The following LRP1B variants were observed in gnomAD, a reference collection of about 807,000 sequenced individuals.
The protein encoded by LRP1B is low-density lipoprotein receptor-related protein 1B.
A neutral mutation model predicts 556.6 loss-of-function variants in LRP1B; 217 were observed. That is an observed-to-expected ratio of 0.39 (90% CI 0.35 to 0.44). The LOEUF (loss-of-function observed/expected upper bound fraction) is 0.44, where lower values mean the gene tolerates loss of function less well. LRP1B is among the 20% of genes least tolerant of loss of function. The probability of loss-of-function intolerance (pLI) is 1.00; values close to 1 mark genes in which losing one functional copy is unlikely to be tolerated. For synonymous variants in LRP1B, 2,047 were observed against 1,865.8 expected (o/e 1.10, Z -2.50); for missense variants, 5,053 against 5,620.8 (o/e 0.90, Z 3.23).
At chr2:141,774,586 A>G (rs1695000450) in intron 2 of LRP1B, among the ~76,000 whole-genome samples, 1 of 152,216 alleles carries the variant, frequency 6.6e-6, no homozygotes, top group Non-Finnish European at 1.5e-5. Context: ...CAAACAATAC[A>G]TAATAAATAT....
At chr2:141,298,596 C>T (rs1331854408) in intron 3 of LRP1B, among the ~76,000 whole-genome samples, 2 of 152,098 alleles carry the variant, frequency 1.3e-5, no homozygotes, top group Non-Finnish European at 2.9e-5. Context: ...ATTTGGAGCC[C>T]TCCCAGACAT....
chr2:140,356,149 CTG>C (rs2105128918), intron 75 of LRP1B, among the ~76,000 whole-genome samples, 191 bp downstream of exon 75: 1 of 143,266 alleles, frequency 7.0e-6, no homozygotes, highest in African/African-American at 2.5e-5. Flanking sequence ...TTTGTAGCCT[CTG>C]TCGTGGTTAG....
chr2:140,484,755 T>A (rs546444697), intron 59 of LRP1B, among the ~76,000 whole-genome samples: 1 of 152,180 alleles, frequency 6.6e-6, no homozygotes, highest in Non-Finnish European at 1.5e-5. Flanking sequence ...CATCCCTCAT[T>A]TGAAATCTCC....
chr2:140,636,616 A>G (rs1218845707), intron 41 of LRP1B, among the ~76,000 whole-genome samples: 1 of 152,196 alleles, frequency 6.6e-6, no homozygotes, highest in East Asian at 1.9e-4. Flanking sequence ...ACATATTTTA[A>G]AAGCATACCA....
At chr2:140,495,817 T>G in intron 55 of LRP1B, 69 bp from the exon 56 acceptor site, 1 of 1,311,440 alleles carries the variant, frequency 7.6e-7, no homozygotes. Context: ...GGATATCTCT[T>G]TAGCATTAAG....
At chr2:140,297,648 A>T (rs1261914107) in intron 84 of LRP1B, among the ~76,000 whole-genome samples, 160 bp downstream of exon 84, 1 of 152,018 alleles carries the variant, frequency 6.6e-6, no homozygotes, top group Non-Finnish European at 1.5e-5. Context: ...CTTTACAATA[A>T]GAGAAAGGTG....
intron 7 of LRP1B, among the ~76,000 whole-genome samples, chr2:141,178,457 G>T (rs1166738389): frequency 6.6e-6 from 1 of 152,082 alleles, no homozygotes; most frequent in Non-Finnish European, 1.5e-5. Flanking sequence ...AGATATCTTT[G>T]AGCCTTTTGG....
intron 29 of LRP1B, among the ~76,000 whole-genome samples, chr2:140,848,825 A>G (rs1458029169): frequency 6.6e-6 from 1 of 152,162 alleles, no homozygotes; most frequent in Non-Finnish European, 1.5e-5. Flanking sequence ...AAATATTAGG[A>G]TAATTCAATG....
chr2:140,795,065 A>T (rs1158451551), intron 32 of LRP1B, among the ~76,000 whole-genome samples: 1 of 152,214 alleles, frequency 6.6e-6, no homozygotes, highest in Non-Finnish European at 1.5e-5. Flanking sequence ...TAAGAGAAAA[A>T]ATGATTTTTT....
intron 3 of LRP1B, among the ~76,000 whole-genome samples, chr2:141,456,426 C>T (rs13431339): frequency 0.18 from 27,636 of 152,136 alleles, 3,326 homozygotes; most frequent in East Asian, 0.44. Flanking sequence ...CAAATATAAC[C>T]TTACAAACTG....
At chr2:141,318,413 A>G (rs910011419) in intron 3 of LRP1B, among the ~76,000 whole-genome samples, 2 of 152,202 alleles carry the variant, frequency 1.3e-5, no homozygotes, top group Non-Finnish European at 2.9e-5. Context: ...GTTTTCCTAA[A>G]GAAGTCAAAT....
At position 141,229,200 on chromosome 2, in the gene LRP1B, A is replaced by C. The variant is rs1182551291; in HGVS notation, c.833T>G (p.Ile278Ser). Residue 278 changes from isoleucine to serine, a missense_variant, in exon 6 of 91, where the codon ATT (isoleucine) becomes AGT (serine). This residue lies in a region of LRP1B where 3,619 missense variants were observed against 3,931.9 expected (regional missense o/e 0.92). Coordinates refer to ENST00000389484, the MANE Select transcript of LRP1B (RefSeq NM_018557.3). ...ACACTTACTGTGGAAGGATTGAAGA[A>C]TATTGATTGTCCATTCATCTGTTAA... ...GGLTDEWTIN[I>S]LQSFHNVQQM... The C allele has an allele frequency of 1.2e-6, 2 of 1,613,032 alleles. No individual in the cohort carries two copies. The highest frequency in any genetic ancestry group is 3.3e-5 in the Admixed American group (2 of 59,916).
chr2:141,777,639 T>C (rs1242098117), intron 2 of LRP1B, among the ~76,000 whole-genome samples: 1 of 152,084 alleles, frequency 6.6e-6, no homozygotes, highest in African/African-American at 2.4e-5. Flanking sequence ...AGTCTCAAAC[T>C]CCTGACCTCA....
chr2:140,794,478 A>AACACACACACAC (rs6146938), intron 32 of LRP1B, among the ~76,000 whole-genome samples: 260 of 150,028 alleles, frequency 1.7e-3, no homozygotes, highest in Non-Finnish European at 2.7e-3. Context: ...AGCTATTTAA[A>AACACACACACAC]ACACACACAC....
At chr2:140,577,561 T>C (rs1681580114) in intron 43 of LRP1B, among the ~76,000 whole-genome samples, 1 of 151,736 alleles carries the variant, frequency 6.6e-6, no homozygotes, top group African/African-American at 2.4e-5. Context: ...GGCTTACAGG[T>C]ACGTGCCACC....
intron 2 of LRP1B, among the ~76,000 whole-genome samples, chr2:141,698,170 G>A (rs1015068409): frequency 2.0e-5 from 3 of 151,810 alleles, no homozygotes; most frequent in African/African-American, 4.8e-5. Context: ...GGAGGGTGGC[G>A]AGGTAGGGGG....
At chr2:142,077,762 C>T (rs1346452209) in intron 1 of LRP1B, among the ~76,000 whole-genome samples, 2 of 152,076 alleles carry the variant, frequency 1.3e-5, no homozygotes, top group Non-Finnish European at 1.5e-5. Context: ...AGGAATTTGT[C>T]TTCAATGATC....
At chr2:140,542,806 T>A (rs1680186158) in intron 43 of LRP1B, among the ~76,000 whole-genome samples, 2 of 152,142 alleles carry the variant, frequency 1.3e-5, no homozygotes, top group Admixed American at 1.3e-4. Context: ...CAGAGGGAAC[T>A]GTGGGTATCT....
In LRP1B at chr2:140,612,667, T is replaced by A. The variant is rs372162578; in HGVS notation, c.6800-11028A>T. Among the ~76,000 whole-genome samples, 5 of 152,302 alleles carry A rather than the reference T, an allele frequency of 3.3e-5. No homozygotes were observed. The South Asian group carries it at 1.0e-3, about 32-fold the overall frequency. ...GTTTGAAACTCAGTGATTGAGCGCT[T>A]GATCCGTCTTTAATCACACAATTAA... On this transcript the variant is annotated intron_variant, in intron 41 of 90. Transcript: ENST00000389484.
Sources: gnomAD v4.1 joint callset for allele counts (sites outside exome capture counted in the v4.1 genomes callset) on GRCh38, gnomAD v4.1.1 for gene constraint, gnomAD v4.1.1 regional missense constraint, MANE v1.5 for transcripts, NCBI Gene and HGNC (gene_info 2026-07-23, HGNC 2026-07-21) for gene names.